The following SHROOM3 variants were observed in gnomAD, a reference collection of about 807,000 sequenced individuals.
SHROOM3 encodes the protein shroom family member 3.
A neutral mutation model predicts 138.6 loss-of-function variants in SHROOM3; 47 were observed. That is an observed-to-expected ratio of 0.34 (90% CI 0.27 to 0.43). The LOEUF is 0.43. SHROOM3 is among the 20% of genes least tolerant of loss of function. The probability of loss-of-function intolerance (pLI) is 1.00; values close to 1 mark genes in which losing one functional copy is unlikely to be tolerated. For missense variants in SHROOM3, 2,491 were observed against 2,596.5 expected, an observed-to-expected ratio of 0.96 and a Z score of 0.88; for synonymous variants, 1,062 against 1,063.3, an observed-to-expected ratio of 1.00 and a Z score of 0.02.
In SHROOM3 at chr4:76,634,332, G is replaced by A. The variant is rs184230155; in HGVS notation, c.324-75824G>A. On this transcript the variant is annotated intron_variant, in intron 2 of 10. Transcript: ENST00000296043. ...CAAGGTATAGAAAGTCCTAGCAGAC[G>A]TTGGTGGCCAGGAAGTGCCCTAGAC... Among the ~76,000 whole-genome samples the A allele has an allele frequency of 1.3e-4, 20 of 152,290 alleles. No individual in the cohort carries two copies. The East Asian group carries it at 2.5e-3, about 19-fold the overall frequency.
At chr4:76,746,617 C>T (rs1416533463) in intron 5 of SHROOM3, among the ~76,000 whole-genome samples, 1 of 151,988 alleles carries the variant, frequency 6.6e-6, no homozygotes, top group African/African-American at 2.4e-5. Flanking sequence ...CTGTATTTTT[C>T]ACATCAGATT....
Position 76,770,885 on chromosome 4 carries a change from G to C in SHROOM3, c.5609G>C (p.Ser1870Thr), listed in dbSNP as rs765505815. ...CTTAGCGGCCTTGGTGAAGATGCCAGTAATGAAGAAAGGGTAGGTGGCCTA... is the reference window on the plus strand; with the variant it reads ...CTTAGCGGCCTTGGTGAAGATGCCACTAATGAAGAAAGGGTAGGTGGCCTA... ...NVLSGLGEDA[S>T]NEERSSLYEK... The change falls in exon 10 of 11, where the codon AGT (serine) becomes ACT (threonine). Residue 1870 changes from serine (S) to threonine (T), a missense_variant. This residue lies in a region of SHROOM3 where 470 missense variants were observed against 595.0 expected (regional missense o/e 0.79). Coordinates refer to ENST00000296043, the MANE Select transcript of SHROOM3 (RefSeq NM_020859.4). 1 of 1,614,250 alleles carries C rather than the reference G, an allele frequency of 6.2e-7. No individual in the cohort carries two copies. The highest frequency in any genetic ancestry group is 1.1e-5 in the South Asian group (1 of 91,080).
chr4:76,458,126 C>G (rs1162140027), intron 1 of SHROOM3, among the ~76,000 whole-genome samples: 1 of 152,168 alleles, frequency 6.6e-6, no homozygotes, highest in Admixed American at 6.5e-5. Context: ...TACTCAGTCT[C>G]TGACATTTCT....
intron 2 of SHROOM3, among the ~76,000 whole-genome samples, chr4:76,635,758 C>G (rs1300843723): frequency 6.6e-6 from 1 of 152,214 alleles, no homozygotes; most frequent in African/African-American, 2.4e-5. Context: ...CTCAGAGAAA[C>G]TCCGTAGTTC....
At chr4:76,466,893 A>G (rs1008792174) in intron 1 of SHROOM3, among the ~76,000 whole-genome samples, 8 of 152,170 alleles carry the variant, frequency 5.3e-5, no homozygotes, top group Admixed American at 5.2e-4. Context: ...TAGGCTTATG[A>G]GAAAGTAAAA....
chr4:76,510,837 A>C (rs776526446), intron 1 of SHROOM3, among the ~76,000 whole-genome samples: 5 of 152,160 alleles, frequency 3.3e-5, no homozygotes, highest in Non-Finnish European at 7.4e-5. Context: ...TCATCAGTGA[A>C]GTGAAGGGAG....
intron 2 of SHROOM3, among the ~76,000 whole-genome samples, chr4:76,582,622 A>T (rs1403810019): frequency 6.6e-6 from 1 of 152,226 alleles, no homozygotes; most frequent in Non-Finnish European, 1.5e-5. Context: ...AGAAAACAGG[A>T]TGTGCTTGAG....
intron 2 of SHROOM3, among the ~76,000 whole-genome samples, chr4:76,671,776 G>A (rs1470669752): frequency 6.6e-6 from 1 of 152,156 alleles, no homozygotes; most frequent in Non-Finnish European, 1.5e-5. Flanking sequence ...GCCAATACAG[G>A]TTAAGTATCT....
intron 2 of SHROOM3, chr4:76,586,195 C>A: frequency 1.1e-6 from 1 of 951,602 alleles, no homozygotes; most frequent in African/African-American, 1.8e-5. Context: ...CGGGAGGAGG[C>A]AGTCATTCAA....
chr4:76,702,787 G>A (rs891711766), intron 2 of SHROOM3, among the ~76,000 whole-genome samples: 8 of 152,164 alleles, frequency 5.3e-5, no homozygotes, highest in African/African-American at 1.9e-4. Flanking sequence ...TACTAGCTGT[G>A]TCAAAGGGCT....
chr4:76,706,498 G>T (rs1443017571), intron 2 of SHROOM3, among the ~76,000 whole-genome samples: 1 of 152,122 alleles, frequency 6.6e-6, no homozygotes, highest in Admixed American at 6.6e-5. Context: ...CATCACAAAG[G>T]TCTTCATTCT....
rs1392609800 is a variant in SHROOM3, at chr4:76,782,149, G to C, written c.*2972G>C. On this transcript the variant is annotated 3_prime_UTR_variant, in exon 11 of 11. Transcript: ENST00000296043. The stretch of plus-strand genomic sequence containing the variant: ...TTTCTCATGCTGTTTTGTTTCTTGC[G>C]GTGGCCACTTAACCCCAAAGAATGA... 6.6e-6 allele frequency: 1 copy of C among 152,132 alleles called. No homozygotes were observed. Among genetic ancestry groups the C allele is most frequent in the Non-Finnish European group, 1.5e-5 (1 of 68,036 alleles). The allele number at this position is 152,132 out of a possible 1,614,324, so 9.4% of individuals were successfully genotyped here.
chr4:76,707,672 CAGAA>C (rs1720096577), intron 2 of SHROOM3, among the ~76,000 whole-genome samples: 2 of 152,060 alleles, frequency 1.3e-5, no homozygotes, highest in South Asian at 4.2e-4. Context: ...ACAGGTAAGG[CAGAA>C]GGAAGGAAGG....
Position 76,754,804 on chromosome 4 carries a change from A to C in SHROOM3, c.4321A>C (p.Ser1441Arg). Residue 1441 changes from serine to arginine, a missense_variant, in exon 7 of 11, where the codon AGC (serine) becomes CGC (arginine). Around this residue, in one of 4 missense-constraint regions of SHROOM3, gnomAD observed 1,733 missense variants for 1,661.6 expected, o/e 1.04. Coordinates refer to ENST00000296043, the MANE Select transcript of SHROOM3 (RefSeq NM_020859.4). ...GTGGGCCCACGCAGCCAGAGAGGAC[A>C]GCCTTCCTGAGGAATCCTCAGCCCC... ...AKWAHAARED[S>R]LPEESSAPDF... is the part of the protein sequence containing the mutation. 1 of 1,614,170 alleles carries C rather than the reference A, an allele frequency of 6.2e-7. No homozygotes were observed. The highest frequency in any genetic ancestry group is 8.5e-7 in the Non-Finnish European group (1 of 1,180,024).
intron 2 of SHROOM3, among the ~76,000 whole-genome samples, chr4:76,557,845 T>C (rs1010918836): frequency 5.3e-5 from 8 of 152,230 alleles, no homozygotes; most frequent in Admixed American, 2.0e-4. Context: ...TCTATTATTA[T>C]TGGCCAACTC....
At chr4:76,483,841 AG>A (rs1352606264) in intron 1 of SHROOM3, among the ~76,000 whole-genome samples, 4 of 152,208 alleles carry the variant, frequency 2.6e-5, no homozygotes, top group African/African-American at 9.7e-5. Context: ...TGTCCTTTGC[AG>A]GGGCATGGAT....
intron 2 of SHROOM3, 184 bp from the exon 3 acceptor site, chr4:76,709,972 T>G (rs368496643): frequency 1.6e-6 from 1 of 628,310 alleles, no homozygotes; most frequent in Non-Finnish European, 2.8e-6. Flanking sequence ...CACTCAGTAG[T>G]GGATTCGCCT....
intron 9 of SHROOM3, among the ~76,000 whole-genome samples, chr4:76,762,822 T>C (rs938888843): frequency 6.6e-6 from 1 of 152,160 alleles, no homozygotes; most frequent in African/African-American, 2.4e-5. Flanking sequence ...ATTGGTCTTC[T>C]GATAGACACA....
rs951292077 is a variant in SHROOM3, at chr4:76,721,255, G to T, written c.456-9549G>T. Among the ~76,000 whole-genome samples, 219 of 151,240 alleles carry T rather than the reference G, an allele frequency of 1.4e-3. 1 individual carries two copies. Among genetic ancestry groups the T allele is most frequent in the African/African-American group, 5.2e-3 (214 of 41,270 alleles). On this transcript the variant is annotated intron_variant, in intron 3 of 10. Coordinates refer to ENST00000296043, the MANE Select transcript of SHROOM3 (RefSeq NM_020859.4). ...GAACCCGGGAGGCGGAGCTTGCAGT[G>T]AGCCGAGATCCCGCCACTGCACTCC...
Sources: gnomAD v4.1 joint callset for allele counts (sites outside exome capture counted in the v4.1 genomes callset) on GRCh38, gnomAD v4.1.1 for gene constraint, gnomAD v4.1.1 regional missense constraint, MANE v1.5 for transcripts, NCBI Gene and HGNC (gene_info 2026-07-23, HGNC 2026-07-21) for gene names.